The following CREB1 variants were observed in gnomAD, a reference collection of about 807,000 sequenced individuals.
The protein encoded by CREB1 is cyclic AMP-responsive element-binding protein 1.
CREB1 carries 2 observed loss-of-function variants against 42.0 expected under a neutral mutation model. The ratio of observed to expected loss-of-function variants is 0.05; its 90% CI spans 0.02 to 0.15. The LOEUF (loss-of-function observed/expected upper bound fraction) is 0.15. Among genes scored for constraint, CREB1 ranks in the 10% least tolerant of loss-of-function variants. The pLI is 1.00. For synonymous variants in CREB1, 123 were observed against 139.9 expected (o/e 0.88, Z 0.85); for missense variants, 199 against 388.9 (o/e 0.51, Z 4.11).
chr2:207,568,552 CT>C, intron 4 of CREB1, among the ~76,000 whole-genome samples: 1 of 152,092 alleles, frequency 6.6e-6, no homozygotes, highest in Admixed American at 6.5e-5. Context: ...TTTGTAACTC[CT>C]TTTTTTCCTA....
rs2087601357 is a variant in CREB1, at chr2:207,603,995, T to C, written c.*6937T>C. ...TATACCTGCCATTGTATTGGAAGGC[T>C]TAATGAATTTCATTTATTTTCTGCA... On this transcript the variant is annotated 3_prime_UTR_variant, in exon 8 of 8. Transcript: ENST00000353267. Among the ~76,000 whole-genome samples the C allele has an allele frequency of 1.3e-5, 2 of 152,240 alleles. No homozygotes were observed.
intron 3 of CREB1, among the ~76,000 whole-genome samples, chr2:207,564,958 TATG>T (rs932162944): frequency 1.2e-4 from 19 of 152,290 alleles, no homozygotes; most frequent in African/African-American, 4.1e-4. Context: ...TAATTTTTCA[TATG>T]ATGTTTTTAT....
rs1316042453 is a variant in CREB1 at position 207,567,498 on chromosome 2, G to A, written c.297G>A (p.Glu99=). The change falls in exon 4 of 8, where the codon GAG becomes GAA. Residue 99 remains glutamate (E), a synonymous_variant. Transcript: ENST00000353267. ...TTGCAGAAAGTGAAGATTCACAGGA[G>A]TCAGTGGATAGTGTAACTGATTCCC... ...STIAESEDSQ[E]SVDSVTDSQK... 1.9e-6 allele frequency: 3 copies of A among 1,611,748 alleles called. No homozygotes were observed. Among genetic ancestry groups the A allele is most frequent in the Non-Finnish European group, 2.5e-6 (3 of 1,178,440 alleles).
chr2:207,550,042 G>C (rs569031124), intron 1 of CREB1, among the ~76,000 whole-genome samples: 5 of 152,056 alleles, frequency 3.3e-5, no homozygotes, highest in Non-Finnish European at 7.4e-5. Context: ...CTAAATACAG[G>C]CACAACATAA....
At chr2:207,594,396 G>A (rs1253029126) in intron 7 of CREB1, among the ~76,000 whole-genome samples, 1 of 151,966 alleles carries the variant, frequency 6.6e-6, no homozygotes, top group East Asian at 1.9e-4. Flanking sequence ...CGTTCCCCCA[G>A]CCCCTGGCAG....
intron 1 of CREB1, among the ~76,000 whole-genome samples, chr2:207,536,285 G>A (rs913318215): frequency 6.6e-6 from 1 of 152,130 alleles, no homozygotes; most frequent in Non-Finnish European, 1.5e-5. Flanking sequence ...AGTCGCGGTG[G>A]CTGACGCCTG....
intron 3 of CREB1, among the ~76,000 whole-genome samples, chr2:207,565,786 A>G (rs140646517): frequency 6.6e-6 from 1 of 152,254 alleles, no homozygotes; most frequent in Non-Finnish European, 1.5e-5. Flanking sequence ...GGGAAACAAC[A>G]CTTGTCACAG....
intron 1 of CREB1, among the ~76,000 whole-genome samples, chr2:207,549,949 G>C (rs377664053): frequency 6.7e-6 from 1 of 148,410 alleles, no homozygotes; most frequent in East Asian, 2.0e-4. Context: ...CAGCCTGGGC[G>C]AAAGAGCGAG....
At chr2:207,581,771 A>G in intron 7 of CREB1, 2 of 682,596 alleles carry the variant, frequency 2.9e-6, no homozygotes, top group Admixed American at 4.4e-5. Flanking sequence ...TATACATTTT[A>G]TTTCCCCAGT....
chr2:207,554,931 T>A (rs1274442732), intron 1 of CREB1, among the ~76,000 whole-genome samples: 1 of 152,176 alleles, frequency 6.6e-6, no homozygotes, highest in Non-Finnish European at 1.5e-5. Flanking sequence ...TTACCTGGTA[T>A]GGTGCAATGC....
At chr2:207,577,126 T>C in intron 6 of CREB1, 1 of 992,420 alleles carries the variant, frequency 1.0e-6, no homozygotes, top group Non-Finnish European at 1.2e-6. Flanking sequence ...CTTGAAATTT[T>C]TTAATATGAA....
In CREB1 at chr2:207,605,621, T is replaced by C. The variant is rs1253018048; in HGVS notation, c.*8563T>C. On this transcript the variant is annotated 3_prime_UTR_variant, in exon 8 of 8. Coordinates refer to ENST00000353267, the MANE Select transcript of CREB1 (RefSeq NM_004379.5). ...TGCATATATACACAAATATAATGTA[T>C]GTTCTCTCCTCCTCCCTCTCCCTTT... Among the ~76,000 whole-genome samples the C allele has an allele frequency of 6.6e-6, 1 of 152,226 alleles. No individual in the cohort carries two copies. The highest frequency in any genetic ancestry group is 1.5e-5 in the Non-Finnish European group (1 of 68,040).
At chr2:207,532,740 T>C (rs1179023011) in intron 1 of CREB1, among the ~76,000 whole-genome samples, 2 of 152,080 alleles carry the variant, frequency 1.3e-5, no homozygotes, top group East Asian at 3.8e-4. Context: ...TTGTATTTTT[T>C]ATTTTTATTT....
At chr2:207,576,585 T>C (rs1183881136) in intron 6 of CREB1, 1 of 735,232 alleles carries the variant, frequency 1.4e-6, no homozygotes, top group Non-Finnish European at 2.0e-6. Flanking sequence ...AAAGATACTA[T>C]TTTGCTTATT....
intron 3 of CREB1, among the ~76,000 whole-genome samples, chr2:207,564,654 CTTTATAG>C (rs2082077112): frequency 6.6e-6 from 1 of 152,060 alleles, no homozygotes; most frequent in Non-Finnish European, 1.5e-5. Context: ...GTTCTAGTTA[CTTTATAG>C]TTTATTTTAA....
At chr2:207,532,199 A>G (rs2106322243) in intron 1 of CREB1, among the ~76,000 whole-genome samples, 1 of 152,126 alleles carries the variant, frequency 6.6e-6, no homozygotes, top group Admixed American at 6.5e-5. Context: ...TACTAAAAAT[A>G]CAAAAATTAG....
chr2:207,605,573 G>A lies in CREB1; in HGVS notation c.*8515G>A, dbSNP rs575940720. On this transcript the variant is annotated 3_prime_UTR_variant, in exon 8 of 8. Transcript: ENST00000353267. The stretch of plus-strand genomic sequence containing the variant: ...GGGCAAACTGTAAGAAGTTTTTTGT[G>A]TTATGTTTTTTGTGACAGTCTGTGC... 7.5e-6 allele frequency among the ~76,000 whole-genome samples: 1 copy of A among 133,962 alleles called. No individual in the cohort carries two copies. The highest frequency in any genetic ancestry group is 1.9e-4 in the East Asian group (1 of 5,190). The allele number at this position is 133,962 out of a possible 152,430, so 87.9% of individuals were successfully genotyped here. A position where few individuals can be genotyped will look rare whatever the true frequency, so the allele number is the denominator to read the frequency against.
intron 7 of CREB1, chr2:207,582,193 CAT>C (rs1304048432): frequency 2.0e-5 from 14 of 702,656 alleles, no homozygotes; most frequent in Non-Finnish European, 3.1e-5. Context: ...AATTTGTGGT[CAT>C]ATGTTAAAAC....
rs148761029 is a variant in CREB1 at position 207,577,260 on chromosome 2, T to A, written c.689-245T>A. 1.4e-3 allele frequency: 1,535 copies of A among 1,074,884 alleles called. 1 individual carries two copies. The highest frequency in any genetic ancestry group is 1.8e-3 in the Non-Finnish European group (1,443 of 822,722). The allele number at this position is 1,074,884 out of a possible 1,614,324, so 66.6% of individuals were successfully genotyped here. A position where few individuals can be genotyped will look rare whatever the true frequency, so the allele number is the denominator to read the frequency against. On this transcript the variant is annotated intron_variant, in intron 6 of 7. Transcript: ENST00000353267. ...ATGTTAACAACAGAATAGAACTGCA[T>A]TCAAATGAAAAATAAAATGTAAGAT...
Sources: gnomAD v4.1 joint callset for allele counts (sites outside exome capture counted in the v4.1 genomes callset) on GRCh38, gnomAD v4.1.1 for gene constraint, MANE v1.5 for transcripts, NCBI Gene and HGNC (gene_info 2026-07-23, HGNC 2026-07-21) for gene names.